The following PCLO variants were observed in gnomAD, a reference collection of about 807,000 sequenced individuals.
The protein encoded by PCLO is piccolo presynaptic cytomatrix protein.
PCLO carries 82 observed loss-of-function variants against 427.5 expected under a neutral mutation model. The ratio of observed to expected loss-of-function variants is 0.19; its 90% CI spans 0.16 to 0.23. The LOEUF is 0.23. Ranked by LOEUF, PCLO falls within the 10% of genes least tolerant of loss-of-function variation. The pLI, the probability that PCLO is intolerant of heterozygous loss-of-function variation, is 1.00. For synonymous variants in PCLO, 2,357 were observed against 2,155.4 expected, an observed-to-expected ratio of 1.09 and a Z score of -2.59; for missense variants, 6,239 against 6,115.9, an observed-to-expected ratio of 1.02 and a Z score of -0.67.
chr7:83,136,746 A>C (rs1288851652), intron 2 of PCLO, among the ~76,000 whole-genome samples: 4 of 152,152 alleles, frequency 2.6e-5, no homozygotes, highest in Non-Finnish European at 5.9e-5. Context: ...ATACATGTAC[A>C]TGTATGCATG....
At chr7:82,819,703 A>C (rs1276232694) in intron 20 of PCLO, among the ~76,000 whole-genome samples, 1 of 152,170 alleles carries the variant, frequency 6.6e-6, no homozygotes, top group Admixed American at 6.6e-5. Context: ...GAAACACCTC[A>C]GTGGTTTACC....
chr7:83,081,379 A>T (rs1183323621), intron 3 of PCLO, among the ~76,000 whole-genome samples: 2 of 151,956 alleles, frequency 1.3e-5, no homozygotes, highest in Non-Finnish European at 2.9e-5. Context: ...TTAATGAATG[A>T]ATCATTTTAG....
At chr7:82,792,482 C>A (rs1475314343) in intron 22 of PCLO, among the ~76,000 whole-genome samples, 1 of 151,830 alleles carries the variant, frequency 6.6e-6, no homozygotes, top group African/African-American at 2.4e-5. Context: ...ATGGCGCCAC[C>A]ACACCCAGCT....
At chr7:82,815,896 A>G (rs777397692) in intron 20 of PCLO, among the ~76,000 whole-genome samples, 1 of 152,170 alleles carries the variant, frequency 6.6e-6, no homozygotes, top group Non-Finnish European at 1.5e-5. Context: ...ACACATTAAA[A>G]TATAAAATGA....
intron 2 of PCLO, among the ~76,000 whole-genome samples, chr7:83,145,351 T>C (rs1791967299): frequency 6.6e-6 from 1 of 152,146 alleles, no homozygotes; most frequent in Non-Finnish European, 1.5e-5. Flanking sequence ...CTAAGTATTC[T>C]GAAAATATCC....
At chr7:83,030,516 T>G (rs893691659) in intron 3 of PCLO, among the ~76,000 whole-genome samples, 1 of 152,158 alleles carries the variant, frequency 6.6e-6, no homozygotes, top group Non-Finnish European at 1.5e-5. Context: ...GTAGCCCTTT[T>G]GTGTCTGTTC....
chr7:82,954,709 G>T lies in PCLO; in HGVS notation c.6244C>A (p.Pro2082Thr). The stretch of plus-strand genomic sequence containing the variant: ...TCCTCACCAATGGGGGCCTGGGTTG[G>T]GCTAGATCCAGGTGTTAATTGCATC... ...QQMQLTPGSS[P>T]TQAPIGEDMT... is the part of the protein sequence containing the mutation. Residue 2082 changes from proline to threonine, a missense_variant, in exon 5 of 25, where the codon CCA becomes ACA. Around this residue, in one of 5 missense-constraint regions of PCLO, gnomAD observed 4,677 missense variants for 4,468.4 expected, o/e 1.05. Transcript: ENST00000333891. 6.2e-7 allele frequency: 1 copy of T among 1,613,814 alleles called. No individual in the cohort carries two copies. The highest frequency in any genetic ancestry group is 8.5e-7 in the Non-Finnish European group (1 of 1,179,842).
At chr7:83,071,823 A>T (rs1270396570) in intron 3 of PCLO, among the ~76,000 whole-genome samples, 1 of 152,194 alleles carries the variant, frequency 6.6e-6, no homozygotes, top group Non-Finnish European at 1.5e-5. Flanking sequence ...TTGTTGGAAG[A>T]TGAATGATTA....
At position 83,042,427 on chromosome 7, in the gene PCLO, T is replaced by C. The variant is rs190320712; in HGVS notation, c.3301-75940A>G. 9.9e-5 allele frequency among the ~76,000 whole-genome samples: 15 copies of C among 152,276 alleles called. No homozygotes were observed. The East Asian group carries it at 2.7e-3, about 27-fold the overall frequency. The stretch of plus-strand genomic sequence containing the variant: ...ATCTCTTGAAATAATTCTACATGTC[T>C]TTACCCCTCAAAAAATGAAAAAGTA... On this transcript the variant is annotated intron_variant, in intron 3 of 24. Transcript: ENST00000333891.
Position 83,134,242 on chromosome 7 carries a change from T to TATATATATATATAA in PCLO, c.3300+7_3300+8insTTATATATATATAT, listed in dbSNP as rs746054139. On this transcript the variant is annotated splice_region_variant and intron_variant, in intron 3 of 24. Transcript: ENST00000333891. ...TAATATATATATATATATATATATA[T>TATATATATATATAA]AACTTACCTCAGTCAAATGTGGTGT... 19 of 1,069,066 alleles carry TATATATATATATAA rather than the reference T, an allele frequency of 1.8e-5. No individual in the cohort carries two copies. Among genetic ancestry groups the TATATATATATATAA allele is most frequent in the Admixed American group, 6.1e-5 (2 of 32,846 alleles). The allele number at this position is 1,069,066 out of a possible 1,614,324, so 66.2% of individuals were successfully genotyped here. A position where few individuals can be genotyped will look rare whatever the true frequency, so the allele number is the denominator to read the frequency against.
intron 6 of PCLO, among the ~76,000 whole-genome samples, chr7:82,920,758 A>C (rs1794577037): frequency 6.6e-6 from 1 of 151,830 alleles, no homozygotes; most frequent in Admixed American, 6.6e-5. Flanking sequence ...TAAAGCACAT[A>C]GCCACACTAT....
At position 83,023,487 on chromosome 7, in the gene PCLO, T is replaced by TAG. The variant is rs555920490; in HGVS notation, c.3301-57001_3301-57000insCT. 8.4e-3 allele frequency among the ~76,000 whole-genome samples: 1,274 copies of TAG among 152,314 alleles called. 13 individuals are homozygous for TAG. Among genetic ancestry groups the TAG allele is most frequent in the African/African-American group, 0.029 (1,206 of 41,548 alleles). On this transcript the variant is annotated intron_variant, in intron 3 of 24. Transcript: ENST00000333891. ...TGTACATTGCCAAGTATATGACATT[T>TAG]TGATTGGGAATTAGAGAACCATCAA... is the stretch of plus-strand genomic sequence containing the variant.
intron 22 of PCLO, among the ~76,000 whole-genome samples, chr7:82,775,686 C>T (rs1022363373): frequency 6.6e-6 from 1 of 152,074 alleles, no homozygotes; most frequent in Admixed American, 6.6e-5. Flanking sequence ...ATTCTTTTGA[C>T]AGTGTCTTTC....
At chr7:82,908,773 A>C (rs2116229262) in intron 8 of PCLO, 104 bp downstream of exon 8, 1 of 1,007,178 alleles carries the variant, frequency 9.9e-7, no homozygotes, top group South Asian at 1.6e-5. Flanking sequence ...TTGTGAAATT[A>C]ATAAACAAAC....
intron 2 of PCLO, among the ~76,000 whole-genome samples, chr7:83,139,228 A>T (rs1021666880): frequency 6.6e-6 from 1 of 152,214 alleles, no homozygotes; most frequent in Non-Finnish European, 1.5e-5. Flanking sequence ...ACTTGAAAAA[A>T]GAACTGAATA....
At chr7:82,917,202 TG>T (rs1036815199) in intron 6 of PCLO, among the ~76,000 whole-genome samples, 10 of 152,158 alleles carry the variant, frequency 6.6e-5, no homozygotes, top group Non-Finnish European at 1.5e-4. Context: ...TTACATTTGT[TG>T]GAGATGTTCA....
chr7:82,834,316 C>G (rs1377928501), intron 16 of PCLO, among the ~76,000 whole-genome samples: 1 of 152,026 alleles, frequency 6.6e-6, no homozygotes, highest in African/African-American at 2.4e-5. Flanking sequence ...CCTGAGATAC[C>G]TGGATTGTGT....
At position 82,758,468 on chromosome 7, in the gene PCLO, C is replaced by T. The variant is rs983789313; in HGVS notation, c.*107G>A. On this transcript the variant is annotated 3_prime_UTR_variant, in exon 25 of 25. Coordinates refer to ENST00000333891, the MANE Select transcript of PCLO (RefSeq NM_033026.6). The stretch of plus-strand genomic sequence containing the variant: ...AGTATGTTTTTGCTTGTTGTTCCCA[C>T]TCTTATGTTTGCCTCTCAAAACTTA... 2.3e-6 allele frequency: 2 copies of T among 853,606 alleles called. No homozygotes were observed. Among genetic ancestry groups the T allele is most frequent in the East Asian group, 2.6e-5 (1 of 38,142 alleles). 52.9% of individuals were successfully genotyped at this position (853,606 alleles called of 1,614,324 possible).
At chr7:83,150,121 T>G (rs2116667484) in intron 2 of PCLO, among the ~76,000 whole-genome samples, 1 of 152,350 alleles carries the variant, frequency 6.6e-6, no homozygotes, top group East Asian at 1.9e-4. Flanking sequence ...TTGGGAAAAT[T>G]ACCAAACATT....
Sources: allele counts gnomAD v4.1 joint callset (sites outside exome capture counted in the v4.1 genomes callset), GRCh38; gene constraint gnomAD v4.1.1; regional missense constraint gnomAD v4.1.1; transcripts MANE v1.5; gene names NCBI Gene and HGNC (gene_info 2026-07-23, HGNC 2026-07-21).